Variants in KAZN observed in about 807,000 individuals in gnomAD.
The protein encoded by KAZN is kazrin.
Under a neutral mutation model 87.4 loss-of-function variants are expected in KAZN, and 40 were observed. That is an observed-to-expected ratio of 0.46 (90% CI 0.36 to 0.60). KAZN has a LOEUF of 0.60. KAZN is among the 20% of genes least tolerant of loss of function. The pLI, the probability that KAZN is intolerant of heterozygous loss-of-function variation, is 0.00. For missense variants in KAZN, 898 were observed against 1,073.9 expected (o/e 0.84, Z 2.29); for synonymous variants, 466 against 458.3 (o/e 1.02, Z -0.22).
intron 1 of KAZN, among the ~76,000 whole-genome samples, chr1:14,817,468 C>T (rs1646602748): frequency 6.6e-6 from 1 of 152,280 alleles, no homozygotes; most frequent in East Asian, 1.9e-4. Context: ...ATAAAATAAA[C>T]CACAAGATAG....
chr1:14,003,332 TA>T (rs572382814), intron 1 of KAZN, among the ~76,000 whole-genome samples: 14,784 of 128,484 alleles, frequency 0.12, 841 homozygotes, highest in South Asian at 0.21. Context: ...AAAGTAAAAT[TA>T]AAAAAAAAAA....
intron 2 of KAZN, among the ~76,000 whole-genome samples, chr1:14,206,610 T>C (rs1646750472): frequency 6.6e-6 from 1 of 152,134 alleles, no homozygotes; most frequent in Non-Finnish European, 1.5e-5. Context: ...ATAAAATCTT[T>C]TAGTTTTTAT....
At chr1:14,677,680 A>T (rs1640311234) in intron 1 of KAZN, among the ~76,000 whole-genome samples, 1 of 152,192 alleles carries the variant, frequency 6.6e-6, no homozygotes. Context: ...GGACACTTCC[A>T]GGCCTTGGGA....
intron 2 of KAZN, among the ~76,000 whole-genome samples, chr1:14,271,869 CA>C (rs1233282613): frequency 6.6e-6 from 1 of 152,172 alleles, no homozygotes; most frequent in African/African-American, 2.4e-5. Flanking sequence ...GTCCATTCAG[CA>C]AGTACTAAGG....
intron 8 of KAZN, among the ~76,000 whole-genome samples, chr1:15,089,992 G>C (rs1425237278): frequency 6.6e-6 from 1 of 152,186 alleles, no homozygotes; most frequent in Non-Finnish European, 1.5e-5. Context: ...CCTCCTTCGT[G>C]ATTTCCCGGC....
At chr1:14,185,422 C>T (rs955119807) in intron 2 of KAZN, among the ~76,000 whole-genome samples, 2 of 152,178 alleles carry the variant, frequency 1.3e-5, no homozygotes, top group South Asian at 2.1e-4. Context: ...CACTAAAAAG[C>T]TACAATGATA....
At chr1:14,325,593 A>G (rs764760767) in intron 2 of KAZN, among the ~76,000 whole-genome samples, 9 of 152,236 alleles carry the variant, frequency 5.9e-5, no homozygotes, top group Non-Finnish European at 8.8e-5. Flanking sequence ...AAAAGTTTCC[A>G]TATTTGGTAA....
intron 1 of KAZN, among the ~76,000 whole-genome samples, chr1:14,146,536 C>CAAAAAAAAA (rs55928646): frequency 1.1e-3 from 69 of 63,452 alleles, no homozygotes; most frequent in Non-Finnish European, 1.3e-3. Context: ...AACTCCATCT[C>CAAAAAAAAA]AAAAAAAAAA....
intron 1 of KAZN, among the ~76,000 whole-genome samples, chr1:14,727,769 A>T (rs1429863976): frequency 5.3e-5 from 8 of 151,272 alleles, no homozygotes; most frequent in Admixed American, 2.0e-4. Flanking sequence ...TCGGCTGTGT[A>T]TTTTATTTCT....
intron 1 of KAZN, among the ~76,000 whole-genome samples, chr1:13,934,685 C>G (rs547603951): frequency 6.6e-6 from 1 of 152,236 alleles, no homozygotes; most frequent in East Asian, 1.9e-4. Flanking sequence ...TGTTGAAACC[C>G]TTTCTATCCT....
chr1:14,791,794 C>T (rs112635587), intron 1 of KAZN, among the ~76,000 whole-genome samples: 2 of 152,232 alleles, frequency 1.3e-5, no homozygotes, highest in Non-Finnish European at 2.9e-5. Flanking sequence ...GCAGCAGGCA[C>T]GAGCCACCAG....
intron 2 of KAZN, among the ~76,000 whole-genome samples, chr1:14,388,187 A>C (rs6669482): frequency 0.33 from 50,333 of 152,024 alleles, 9,197 homozygotes; most frequent in East Asian, 0.73. Flanking sequence ...ACACGGTGCG[A>C]GCACCCCCTG....
intron 2 of KAZN, among the ~76,000 whole-genome samples, chr1:14,409,200 G>A (rs1180635585): frequency 6.6e-6 from 1 of 152,012 alleles, no homozygotes; most frequent in African/African-American, 2.4e-5. Context: ...GAGCTTTCCA[G>A]AAAAAAAGTT....
chr1:14,901,909 G>C (rs1366453702), intron 1 of KAZN, among the ~76,000 whole-genome samples: 2 of 152,188 alleles, frequency 1.3e-5, no homozygotes, highest in Non-Finnish European at 2.9e-5. Context: ...GAAGCTCTCA[G>C]GAGGTGGTCC....
intron 1 of KAZN, among the ~76,000 whole-genome samples, chr1:14,078,934 C>T (rs1346796338): frequency 6.6e-6 from 1 of 152,222 alleles, no homozygotes; most frequent in Non-Finnish European, 1.5e-5. Context: ...GATCCGCCCA[C>T]CTCAGCCTCC....
intron 1 of KAZN, among the ~76,000 whole-genome samples, chr1:14,143,682 G>A (rs1645287822): frequency 6.6e-6 from 1 of 151,764 alleles, no homozygotes; most frequent in Non-Finnish European, 1.5e-5. Context: ...CTTTGTAATT[G>A]CTCATCCTCC....
chr1:14,031,308 T>C (rs1641318934), intron 1 of KAZN, among the ~76,000 whole-genome samples: 1 of 152,206 alleles, frequency 6.6e-6, no homozygotes, highest in Non-Finnish European at 1.5e-5. Context: ...ACAGGCAGGA[T>C]TCCCAGAACA....
chr1:14,624,248 C>T (rs534968038), intron 1 of KAZN, among the ~76,000 whole-genome samples: 4 of 152,264 alleles, frequency 2.6e-5, no homozygotes, highest in South Asian at 2.1e-4. Flanking sequence ...GGGTGAAACC[C>T]TGTCTCTACT....
chr1:14,729,193 G>A (rs1036078872), intron 1 of KAZN, among the ~76,000 whole-genome samples: 3 of 152,164 alleles, frequency 2.0e-5, no homozygotes, highest in Non-Finnish European at 2.9e-5. Context: ...CTGTGAAAAC[G>A]AGGAGGGACA....
Sources: gnomAD v4.1 joint callset for allele counts (sites outside exome capture counted in the v4.1 genomes callset) on GRCh38, gnomAD v4.1.1 for gene constraint, MANE v1.5 for transcripts, NCBI Gene and HGNC (gene_info 2026-07-23, HGNC 2026-07-21) for gene names.